The following CPA6 variants were observed in gnomAD, a reference collection of about 807,000 sequenced individuals.
CPA6 encodes carboxypeptidase A6.
A neutral mutation model predicts 63.3 loss-of-function variants in CPA6; 58 were observed. That is an observed-to-expected ratio of 0.92 (90% CI 0.74 to 1.14). The LOEUF is 1.14. Ranked by LOEUF, CPA6 falls within the 50% of genes most tolerant of loss-of-function variation. The probability of loss-of-function intolerance (pLI) is 0.00; values close to 1 mark genes in which losing one functional copy is unlikely to be tolerated. For synonymous variants in CPA6, 185 were observed against 179.0 expected, an observed-to-expected ratio of 1.03 and a Z score of -0.27; for missense variants, 565 against 526.6, an observed-to-expected ratio of 1.07 and a Z score of -0.71.
chr8:67,687,288 C>T (rs1816727109), intron 1 of CPA6, among the ~76,000 whole-genome samples: 1 of 152,040 alleles, frequency 6.6e-6, no homozygotes, highest in South Asian at 2.1e-4. Context: ...GGTTGGTCTC[C>T]CTTGAGATAC....
chr8:67,637,721 C>T (rs948368679), intron 1 of CPA6, among the ~76,000 whole-genome samples: 1 of 151,288 alleles, frequency 6.6e-6, no homozygotes, highest in African/African-American at 2.5e-5. Context: ...GCAACTGTTT[C>T]ATAAACTACA....
rs901580311 is a variant in CPA6, at chr8:67,624,380, G to C, written c.117-129C>G. The C allele has an allele frequency of 9.5e-5, 50 of 528,184 alleles. No individual in the cohort carries two copies. The Middle Eastern group carries it at 2.5e-3, about 26-fold the overall frequency. The allele number at this position is 528,184 out of a possible 1,614,324, so 32.7% of individuals were successfully genotyped here. A position where few individuals can be genotyped will look rare whatever the true frequency, so the allele number is the denominator to read the frequency against. ...AACAGTGAAACTTTTCACTGGCCCA[G>C]TAAGTATTTTATCCAATTTATTCTC... is the stretch of plus-strand genomic sequence containing the variant. On this transcript the variant is annotated intron_variant, in intron 1 of 10. Coordinates refer to ENST00000297770, the MANE Select transcript of CPA6 (RefSeq NM_020361.5).
At chr8:67,524,623 T>G (rs999635422) in intron 2 of CPA6, among the ~76,000 whole-genome samples, 1 of 152,006 alleles carries the variant, frequency 6.6e-6, no homozygotes, top group Non-Finnish European at 1.5e-5. Context: ...CTTTTTTTGT[T>G]TTTTTGCAAA....
At chr8:67,517,271 A>AT (rs1047496757) in intron 3 of CPA6, among the ~76,000 whole-genome samples, 3 of 151,984 alleles carry the variant, frequency 2.0e-5, no homozygotes, top group Admixed American at 6.6e-5. Flanking sequence ...GCTCTGAAAT[A>AT]TTTTTTTAAT....
chr8:67,728,822 C>G (rs1216022314), intron 1 of CPA6, among the ~76,000 whole-genome samples: 1 of 152,186 alleles, frequency 6.6e-6, no homozygotes, highest in Non-Finnish European at 1.5e-5. Flanking sequence ...AGAACTAGGA[C>G]ATGAACCCAG....
chr8:67,599,935 G>C (rs977975753), intron 2 of CPA6, among the ~76,000 whole-genome samples: 10 of 152,116 alleles, frequency 6.6e-5, no homozygotes, highest in Admixed American at 3.9e-4. Context: ...TTTAACAAAG[G>C]AACTGACTTC....
chr8:67,533,507 C>T (rs946678742), intron 2 of CPA6, among the ~76,000 whole-genome samples: 1 of 152,170 alleles, frequency 6.6e-6, no homozygotes, highest in African/African-American at 2.4e-5. Context: ...TGAATTCGGG[C>T]ACTATAGTTC....
At chr8:67,642,354 G>A (rs1363685998) in intron 1 of CPA6, among the ~76,000 whole-genome samples, 2 of 151,764 alleles carry the variant, frequency 1.3e-5, no homozygotes, top group Non-Finnish European at 2.9e-5. Context: ...AGACATTAAA[G>A]GGGATGTAAA....
chr8:67,465,859 T>C (rs73262648), intron 8 of CPA6, among the ~76,000 whole-genome samples: 10,036 of 152,248 alleles, frequency 0.066, 750 homozygotes, highest in African/African-American at 0.18. Flanking sequence ...TGTTTGCTAG[T>C]ATTTTGTTAA....
chr8:67,738,499 G>A (rs761942220), intron 1 of CPA6, among the ~76,000 whole-genome samples: 4 of 152,114 alleles, frequency 2.6e-5, no homozygotes, highest in Non-Finnish European at 5.9e-5. Context: ...TTTAAGCTAT[G>A]GAGGTTTAGG....
intron 1 of CPA6, among the ~76,000 whole-genome samples, chr8:67,684,572 G>A (rs891752263): frequency 1.3e-5 from 2 of 152,168 alleles, no homozygotes; most frequent in East Asian, 3.9e-4. Flanking sequence ...ATGCGTACCC[G>A]GCCTCTCTCC....
chr8:67,472,832 T>C (rs994904151), intron 8 of CPA6, among the ~76,000 whole-genome samples: 1 of 152,214 alleles, frequency 6.6e-6, no homozygotes, highest in Non-Finnish European at 1.5e-5. Context: ...CTAGATATTG[T>C]CCTTCAAATG....
chr8:67,690,869 A>T (rs922163626), intron 1 of CPA6, among the ~76,000 whole-genome samples: 1 of 152,254 alleles, frequency 6.6e-6, no homozygotes, highest in African/African-American at 2.4e-5. Context: ...GCCAATGAAT[A>T]CAAACTTAAG....
chr8:67,422,819 A>G, intron 10 of CPA6, 128 bp from the exon 11 acceptor site: 4 of 675,824 alleles, frequency 5.9e-6, no homozygotes, highest in Non-Finnish European at 9.4e-6. Context: ...TGCTGTTTCA[A>G]TAAGAATGAT....
chr8:67,712,225 A>G (rs529492166), intron 1 of CPA6, among the ~76,000 whole-genome samples: 2 of 152,272 alleles, frequency 1.3e-5, no homozygotes, highest in African/African-American at 4.8e-5. Context: ...GAAATAGTGT[A>G]TCGGGACCAC....
At chr8:67,615,353 C>A (rs957982627) in intron 2 of CPA6, among the ~76,000 whole-genome samples, 1 of 152,136 alleles carries the variant, frequency 6.6e-6, no homozygotes, top group African/African-American at 2.4e-5. Context: ...ATCCTTGCCC[C>A]TTGAAAAAGG....
intron 2 of CPA6, among the ~76,000 whole-genome samples, chr8:67,579,948 T>C (rs1442082318): frequency 6.6e-6 from 1 of 152,222 alleles, no homozygotes; most frequent in Admixed American, 6.5e-5. Context: ...AACCCTCTTT[T>C]TTTTATTTAG....
At chr8:67,606,268 A>G (rs893930981) in intron 2 of CPA6, among the ~76,000 whole-genome samples, 2 of 151,984 alleles carry the variant, frequency 1.3e-5, no homozygotes, top group African/African-American at 4.8e-5. Context: ...TCAGCATGGC[A>G]CATGTATACA....
At chr8:67,427,724 C>T (rs925941297) in intron 10 of CPA6, among the ~76,000 whole-genome samples, 4 of 152,138 alleles carry the variant, frequency 2.6e-5, no homozygotes, top group East Asian at 1.9e-4. Context: ...TCCCAAGGCC[C>T]GTTTCCACCC....
Sources: gnomAD v4.1 joint callset for allele counts (sites outside exome capture counted in the v4.1 genomes callset) on GRCh38, gnomAD v4.1.1 for gene constraint, MANE v1.5 for transcripts, NCBI Gene and HGNC (gene_info 2026-07-23, HGNC 2026-07-21) for gene names.